The following LGSN variants were observed in gnomAD, a reference collection of about 807,000 sequenced individuals.
LGSN encodes lengsin.
Under a neutral mutation model 19.5 loss-of-function variants are expected in LGSN, and 21 were observed. The observed-to-expected ratio is 1.07, with a 90% confidence interval of 0.76 to 1.55. LGSN has a LOEUF of 1.55. Among genes scored for constraint, LGSN ranks in the 40% most tolerant of loss-of-function variants. The pLI, the probability that LGSN is intolerant of heterozygous loss-of-function variation, is 0.00. For missense variants in LGSN, 673 were observed against 608.5 expected, an observed-to-expected ratio of 1.11 and a Z score of -1.12; for synonymous variants, 257 against 215.6, an observed-to-expected ratio of 1.19 and a Z score of -1.68.
At chr6:63,344,578 A>C in the LGSN span, among the ~76,000 whole-genome samples, 1 of 152,178 alleles carries the variant, frequency 6.6e-6, no homozygotes, top group Non-Finnish European at 1.5e-5. Context: ...CCACAGAGAA[A>C]TCATTCTAGA....
At position 63,280,651 on chromosome 6, in the gene LGSN, G is replaced by A; in HGVS notation, c.900C>T (p.Ala300=). The A allele has an allele frequency of 1.9e-6, 3 of 1,614,014 alleles. No individual in the cohort carries two copies. The highest frequency in any genetic ancestry group is 2.5e-6 in the Non-Finnish European group (3 of 1,180,024). ...KEVARKYNYI[A]SFFIETGFCD... ...AAAATCCAGTCTCAATGAAGAAGCT[G>A]GCAATGTAATTATATTTCCTTGCCA... Residue 300 remains alanine, a synonymous_variant, in exon 4 of 4, where the codon GCC becomes GCT. Coordinates refer to ENST00000370657, the MANE Select transcript of LGSN (RefSeq NM_016571.3).
At chr6:63,358,632 TTGTC>T in the LGSN span, among the ~76,000 whole-genome samples, 1 of 152,202 alleles carries the variant, frequency 6.6e-6, no homozygotes, top group African/African-American at 2.4e-5. Flanking sequence ...GGCTTTCTGT[TTGTC>T]TGTTATTGGT....
intron 2 of LGSN, among the ~76,000 whole-genome samples, chr6:63,294,131 T>C (rs1366684943): frequency 1.3e-5 from 2 of 151,934 alleles, no homozygotes; most frequent in Non-Finnish European, 2.9e-5. Context: ...GGTCAGGAGT[T>C]TGAGACCAGA....
At chr6:63,550,673 G>A in the LGSN span, among the ~76,000 whole-genome samples, 1 of 152,136 alleles carries the variant, frequency 6.6e-6, no homozygotes, top group East Asian at 1.9e-4. Context: ...TGCCCAGGCT[G>A]GAGTGCAGTG....
the LGSN span, among the ~76,000 whole-genome samples, chr6:63,437,031 T>C: frequency 0.6 from 83,887 of 140,370 alleles, 24,634 homozygotes; most frequent in Middle Eastern, 0.63. Flanking sequence ...AGCAAGGCTC[T>C]GTCAAAAAAG....
chr6:63,542,340 A>G, the LGSN span, among the ~76,000 whole-genome samples: 12 of 152,106 alleles, frequency 7.9e-5, no homozygotes, highest in Non-Finnish European at 1.5e-4. Context: ...TGCTCGGGTG[A>G]TGGGTGCACC....
At chr6:63,415,127 C>T in the LGSN span, among the ~76,000 whole-genome samples, 1 of 151,844 alleles carries the variant, frequency 6.6e-6, no homozygotes, top group Non-Finnish European at 1.5e-5. Flanking sequence ...CGAGATCAGC[C>T]TGAGCAACAT....
the LGSN span, among the ~76,000 whole-genome samples, chr6:63,389,539 T>A: frequency 3.3e-5 from 5 of 152,232 alleles, no homozygotes; most frequent in African/African-American, 1.2e-4. Flanking sequence ...GAGAAAAATT[T>A]GAAGGAACTG....
the LGSN span, among the ~76,000 whole-genome samples, chr6:63,464,050 A>T: frequency 1.3e-5 from 2 of 152,146 alleles, no homozygotes; most frequent in Non-Finnish European, 2.9e-5. Context: ...AAAAAAATTG[A>T]CAATGAACCG....
At chr6:63,307,935 A>C (rs535799275) in intron 1 of LGSN, among the ~76,000 whole-genome samples, 2 of 152,192 alleles carry the variant, frequency 1.3e-5, no homozygotes, top group Non-Finnish European at 2.9e-5. Flanking sequence ...GGGCAGTGTG[A>C]TCCAAATAGC....
chr6:63,505,625 G>GAAATAAATAAAT, the LGSN span, among the ~76,000 whole-genome samples: 194 of 90,154 alleles, frequency 2.2e-3, 15 homozygotes, highest in African/African-American at 5.2e-3. Flanking sequence ...AAGAAAGAAA[G>GAAATAAATAAAT]AAAGAAAGAA....
chr6:63,387,149 A>G, the LGSN span, among the ~76,000 whole-genome samples: 1 of 152,118 alleles, frequency 6.6e-6, no homozygotes, highest in Non-Finnish European at 1.5e-5. Context: ...GAGCAAAGGT[A>G]AAGTGCAAAG....
chr6:63,419,761 GC>G, the LGSN span, among the ~76,000 whole-genome samples: 1 of 150,926 alleles, frequency 6.6e-6, no homozygotes, highest in Non-Finnish European at 1.5e-5. Context: ...GTTGGTGGAC[GC>G]CTATAATCCC....
At chr6:63,399,286 G>T in the LGSN span, among the ~76,000 whole-genome samples, 1 of 152,066 alleles carries the variant, frequency 6.6e-6, no homozygotes. Context: ...GTAAGCTATA[G>T]CATCTAGGTT....
chr6:63,403,951 T>C, the LGSN span, among the ~76,000 whole-genome samples: 1 of 122,582 alleles, frequency 8.2e-6, no homozygotes, highest in East Asian at 2.2e-4. Context: ...TCTCTTTCTC[T>C]CTCTCTCTCT....
the LGSN span, among the ~76,000 whole-genome samples, chr6:63,329,783 A>G: frequency 6.6e-6 from 1 of 152,082 alleles, no homozygotes; most frequent in African/African-American, 2.4e-5. Context: ...ATCCCTCCCT[A>G]ATAAGGGTGT....
chr6:63,390,706 A>G, the LGSN span, among the ~76,000 whole-genome samples: 1 of 151,586 alleles, frequency 6.6e-6, no homozygotes, highest in African/African-American at 2.4e-5. Context: ...AATACAAAAA[A>G]AAAGTAGCCG....
At chr6:63,320,961 C>T (rs1447192053), upstream of LGSN, among the ~76,000 whole-genome samples, 1 of 152,160 alleles carries the variant, frequency 6.6e-6, no homozygotes, top group East Asian at 1.9e-4. Context: ...TGTTCCATGA[C>T]TGACTCTAAA....
the LGSN span, among the ~76,000 whole-genome samples, chr6:63,498,125 C>A: frequency 6.6e-6 from 1 of 151,854 alleles, no homozygotes; most frequent in Admixed American, 6.6e-5. Context: ...TCTATGCTGG[C>A]CAGGCTGGTC....
Sources: allele counts gnomAD v4.1 joint callset (sites outside exome capture counted in the v4.1 genomes callset), GRCh38; gene constraint gnomAD v4.1.1; transcripts MANE v1.5; gene names NCBI Gene and HGNC (gene_info 2026-07-23, HGNC 2026-07-21).